The following ZNF644 variants were observed in gnomAD, a reference collection of about 807,000 sequenced individuals.
ZNF644 encodes zinc finger motif enhancer binding protein 2.
In ZNF644, 20 loss-of-function variants were observed where a neutral mutation model predicts 108.0. The observed-to-expected ratio is 0.19, with a 90% CI of 0.13 to 0.27. The LOEUF is 0.27. ZNF644 is among the 10% of genes least tolerant of loss of function. ZNF644 has a pLI of 1.00. For missense variants in ZNF644, 1,338 were observed against 1,548.9 expected (o/e 0.86, Z 2.29); for synonymous variants, 542 against 539.1 (o/e 1.01, Z -0.08).
intron 4 of ZNF644, among the ~76,000 whole-genome samples, chr1:90,934,866 C>T (rs1403260893): frequency 6.6e-6 from 1 of 151,994 alleles, no homozygotes; most frequent in East Asian, 1.9e-4. Flanking sequence ...TGAAATTTCC[C>T]TATAATTTCC....
chr1:90,938,137 T>C lies in ZNF644; in HGVS notation c.3083-47A>G, dbSNP rs746177590. ...TAATATCAGACTTTCTTATATAAAC[T>C]GACCACCCTAAAATGAGTTAATTCT... On this transcript the variant is annotated intron_variant, in intron 3 of 5. Transcript: ENST00000337393. The surrounding 1 kb of genome is among the most constrained non-coding windows in gnomAD (Gnocchi z 4.2). 1.2e-6 allele frequency: 2 copies of C among 1,607,718 alleles called. No individual in the cohort carries two copies. Among genetic ancestry groups the C allele is most frequent in the Non-Finnish European group, 1.7e-6 (2 of 1,176,646 alleles).
chr1:90,964,934 C>T (rs1300838074), intron 2 of ZNF644, among the ~76,000 whole-genome samples: 1 of 151,920 alleles, frequency 6.6e-6, no homozygotes, highest in Non-Finnish European at 1.5e-5. Flanking sequence ...TTTAAATTCC[C>T]CACATTTCCT....
chr1:91,006,421 A>G (rs1003719391), intron 1 of ZNF644, among the ~76,000 whole-genome samples: 6 of 152,160 alleles, frequency 3.9e-5, no homozygotes, highest in African/African-American at 1.4e-4. Flanking sequence ...AAAAACAAAC[A>G]AACAATCCAT....
At chr1:90,968,063 A>AT (rs970020972) in intron 2 of ZNF644, among the ~76,000 whole-genome samples, 1 of 146,668 alleles carries the variant, frequency 6.8e-6, no homozygotes, top group African/African-American at 2.6e-5. Context: ...TCCGTCTCAA[A>AT]AAAAAAAAAA....
chr1:90,988,594 G>C (rs1657342505), intron 1 of ZNF644, among the ~76,000 whole-genome samples: 1 of 152,018 alleles, frequency 6.6e-6, no homozygotes. Flanking sequence ...ACTTGAAAAA[G>C]AACAACAAAG....
At chr1:90,977,367 CAATATTAAA>C (rs1656119659) in intron 2 of ZNF644, among the ~76,000 whole-genome samples, 1 of 151,990 alleles carries the variant, frequency 6.6e-6, no homozygotes, top group Non-Finnish European at 1.5e-5. Flanking sequence ...TCTGATTATT[CAATATTAAA>C]TAACTTTGAC....
intron 4 of ZNF644, among the ~76,000 whole-genome samples, chr1:90,929,960 C>A (rs1650535224): frequency 6.6e-6 from 1 of 152,128 alleles, no homozygotes; most frequent in Admixed American, 6.5e-5. Context: ...TGTAGAATAG[C>A]AACAATTGGG....
At position 90,967,277 on chromosome 1, in the gene ZNF644, C is replaced by A. The variant is rs541961954; in HGVS notation, c.44+15033G>T. Among the ~76,000 whole-genome samples the A allele has an allele frequency of 3.3e-5, 5 of 152,284 alleles. No individual in the cohort carries two copies. The South Asian group carries it at 1.0e-3, about 32-fold the overall frequency. ...CCCTCCATCGCACAAATCTAGTTAA[C>A]CTTAACTCATAATCTCATCAGATCA... On this transcript the variant is annotated intron_variant, in intron 2 of 5. Transcript: ENST00000337393.
chr1:90,999,096 G>A (rs926481142), intron 1 of ZNF644, among the ~76,000 whole-genome samples: 1 of 152,186 alleles, frequency 6.6e-6, no homozygotes, highest in Non-Finnish European at 1.5e-5. Context: ...CAAGAAGAAT[G>A]AAACCAAGTA....
chr1:91,001,803 A>G (rs1658864819), intron 1 of ZNF644, among the ~76,000 whole-genome samples: 1 of 152,230 alleles, frequency 6.6e-6, no homozygotes, highest in Non-Finnish European at 1.5e-5. Flanking sequence ...TCTCTGCCCA[A>G]AATCTCCTTA....
intron 4 of ZNF644, 110 bp downstream of exon 4, chr1:90,937,375 G>A: frequency 2.7e-6 from 4 of 1,484,578 alleles, no homozygotes; most frequent in Middle Eastern, 4.1e-4. Flanking sequence ...AAAAAAAGCA[G>A]CTTAAACAGG....
intron 2 of ZNF644, among the ~76,000 whole-genome samples, chr1:90,959,761 G>C (rs909649246): frequency 6.6e-6 from 1 of 152,096 alleles, no homozygotes; most frequent in African/African-American, 2.4e-5. Flanking sequence ...TGTTTTTATG[G>C]GGTGATGAAA....
Position 90,916,654 on chromosome 1 carries a change from A to G in ZNF644, c.*144T>C, listed in dbSNP as rs1004080114. On this transcript the variant is annotated 3_prime_UTR_variant, in exon 6 of 6. Transcript: ENST00000337393. ...AGACTACTTACTGTTTTAAGTATTCAATTTGCTCTGATGTCACTGTAATTC... is the reference window on the plus strand; with the variant it reads ...AGACTACTTACTGTTTTAAGTATTCGATTTGCTCTGATGTCACTGTAATTC... The G allele has an allele frequency of 6.0e-6, 5 of 827,008 alleles. No homozygotes were observed. In the African/African-American group the frequency reaches 8.6e-5, roughly 14 times the overall value. 51.2% of individuals were successfully genotyped at this position (827,008 alleles called of 1,614,324 possible).
At chr1:90,947,830 T>C (rs1388843398) in intron 2 of ZNF644, among the ~76,000 whole-genome samples, 2 of 152,146 alleles carry the variant, frequency 1.3e-5, no homozygotes, top group African/African-American at 4.8e-5. Context: ...TACTTATACA[T>C]ACTTACATTA....
At chr1:90,965,496 C>G (rs554046986) in intron 2 of ZNF644, among the ~76,000 whole-genome samples, 1 of 152,072 alleles carries the variant, frequency 6.6e-6, no homozygotes, top group Non-Finnish European at 1.5e-5. Flanking sequence ...GAAGTAGAGG[C>G]GGACAGGATT....
chr1:91,001,816 C>T (rs1023448134), intron 1 of ZNF644, among the ~76,000 whole-genome samples: 2 of 152,158 alleles, frequency 1.3e-5, no homozygotes, highest in African/African-American at 2.4e-5. Flanking sequence ...TCTCCTTAAC[C>T]TGATAAGCAA....
At position 90,938,304 on chromosome 1, in the gene ZNF644, C is replaced by A. The variant is rs1192348556; in HGVS notation, c.3050G>T (p.Gly1017Val). 1.9e-6 allele frequency: 3 copies of A among 1,613,988 alleles called. No individual in the cohort carries two copies. Among genetic ancestry groups the A allele is most frequent in the Non-Finnish European group, 2.5e-6 (3 of 1,179,880 alleles). Residue 1017 changes from glycine to valine, a missense_variant, in exon 3 of 6, where the codon GGC (glycine) becomes GTC (valine). Coordinates refer to ENST00000337393, the MANE Select transcript of ZNF644 (RefSeq NM_201269.3). This position sits in a 1 kb window ranked among gnomAD's most constrained non-coding sequence, Gnocchi z 4.2. Reference protein sequence around the residue: ...SDKMQHFKRTGTGTPVKRVRK... With the variant: ...SDKMQHFKRTVTGTPVKRVRK... Reference sequence around the variant, plus strand: ...AACTCGTTTAACAGGTGTTCCTGTGCCAGTTCTTTTGAAATGCTGCATTTT... The same window carrying A: ...AACTCGTTTAACAGGTGTTCCTGTGACAGTTCTTTTGAAATGCTGCATTTT...
At chr1:91,018,401 T>G (rs1207042009) in intron 1 of ZNF644, among the ~76,000 whole-genome samples, 1 of 152,208 alleles carries the variant, frequency 6.6e-6, no homozygotes, top group Non-Finnish European at 1.5e-5. Context: ...ATATACGAAA[T>G]AGACATTCTC....
At chr1:90,942,782 A>C (rs1652123656) in intron 2 of ZNF644, among the ~76,000 whole-genome samples, 1 of 152,192 alleles carries the variant, frequency 6.6e-6, no homozygotes, top group Admixed American at 6.5e-5. Context: ...GCTATTTGGC[A>C]ACCCCAGGTA....
Sources: allele counts gnomAD v4.1 joint callset (sites outside exome capture counted in the v4.1 genomes callset), GRCh38; gene constraint gnomAD v4.1.1; non-coding constraint Gnocchi (gnomAD v3.1); transcripts MANE v1.5; gene names NCBI Gene and HGNC (gene_info 2026-07-23, HGNC 2026-07-21).